Variants in PLXND1 observed in about 807,000 individuals in gnomAD.
The protein encoded by PLXND1 is plexin D1, also known as plexin-D1.
A neutral mutation model predicts 197.7 loss-of-function variants in PLXND1; 54 were observed. That is an observed-to-expected ratio of 0.27 (90% confidence interval 0.22 to 0.34). The LOEUF is 0.34. Among genes scored for constraint, PLXND1 ranks in the 10% least tolerant of loss-of-function variants. The pLI is 1.00. For synonymous variants in PLXND1, 1,180 were observed against 1,161.2 expected (o/e 1.02, Z -0.33); for missense variants, 2,127 against 2,699.2 (o/e 0.79, Z 4.70).
chr3:129,565,731 G>A (rs756051641), intron 24 of PLXND1, among the ~76,000 whole-genome samples, 156 bp downstream of exon 24: 20 of 152,240 alleles, frequency 1.3e-4, no homozygotes, highest in Non-Finnish European at 2.5e-4. Context: ...AGCAACCATC[G>A]TGCCCCGTGA....
chr3:129,564,446 G>A (rs1441188097), intron 25 of PLXND1, among the ~76,000 whole-genome samples: 1 of 152,216 alleles, frequency 6.6e-6, no homozygotes, highest in African/African-American at 2.4e-5. Flanking sequence ...AGGAGTTTGG[G>A]ACCAGCCTGT....
intron 34 of PLXND1, 37 bp from the exon 35 acceptor site, chr3:129,556,728 C>A (rs372047695): frequency 1.4e-6 from 2 of 1,481,206 alleles, no homozygotes; most frequent in Admixed American, 1.8e-5. Flanking sequence ...GTTAGCCCAG[C>A]GGTCAAAGCT....
chr3:129,585,264 G>A lies in PLXND1; in HGVS notation c.1851+688C>T, dbSNP rs549917139. 2.0e-5 allele frequency among the ~76,000 whole-genome samples: 3 copies of A among 152,320 alleles called. No individual in the cohort carries two copies. The East Asian group carries it at 5.8e-4, about 29-fold the overall frequency. ...TGCTGAGCAGCTACAGGCCAGAGCC[G>A]GGCTGTCAGAGCCCCCCAGGGTGAG... On this transcript the variant is annotated intron_variant, in intron 5 of 35. Coordinates refer to ENST00000324093, the MANE Select transcript of PLXND1 (RefSeq NM_015103.3).
At position 129,563,224 on chromosome 3, in the gene PLXND1, G is replaced by A; in HGVS notation, c.4538C>T (p.Pro1513Leu). 6.2e-7 allele frequency: 1 copy of A among 1,611,634 alleles called. No individual in the cohort carries two copies. Among genetic ancestry groups the A allele is most frequent in the Non-Finnish European group, 8.5e-7 (1 of 1,178,866 alleles). ...GATGGCACACAGCAGCAGGAAGAAT[G>A]GCTCCCCCACCGTCTCCTGAGGGGC... ...YSCLRETVGE[P>L]FFLLLCAIKQ... is the part of the protein sequence containing the mutation. Residue 1513 changes from proline to leucine, a missense_variant, in exon 26 of 36, where the codon CCA becomes CTA. This residue lies in a region of PLXND1 where 532 missense variants were observed against 811.0 expected (regional missense o/e 0.66). Transcript: ENST00000324093.
At chr3:129,589,310 T>TGGCCCCCCCCC in intron 2 of PLXND1, 41 bp downstream of exon 2, 1 of 501,286 alleles carries the variant, frequency 2.0e-6, no homozygotes, top group Non-Finnish European at 3.8e-6. Flanking sequence ...CAGGGGAGCC[T>TGGCCCCCCCCC]CCCACCCCCA....
At chr3:129,574,296 C>A in intron 12 of PLXND1, 40 bp downstream of exon 12, 1 of 1,540,590 alleles carries the variant, frequency 6.5e-7, no homozygotes, top group Non-Finnish European at 8.7e-7. Flanking sequence ...TGCGCCGTGC[C>A]GGAGTGCGGG....
chr3:129,589,307 G>GCGGGGGGGGGCCCC, intron 2 of PLXND1, 44 bp downstream of exon 2: 1 of 684,690 alleles, frequency 1.5e-6, no homozygotes. Context: ...TCCCAGGGGA[G>GCGGGGGGGGGCCCC]CCTCCCACCC....
At chr3:129,584,592 G>A in intron 5 of PLXND1, 30 bp from the exon 6 acceptor site, 1 of 1,576,508 alleles carries the variant, frequency 6.3e-7, no homozygotes, top group South Asian at 1.2e-5. Context: ...AGCTCTGGGG[G>A]TCCAGGCTAT....
At position 129,559,601 on chromosome 3, in the gene PLXND1, C is replaced by A. The variant is rs781331440; in HGVS notation, c.5297+19G>T. The A allele has an allele frequency of 2.6e-5, 40 of 1,564,414 alleles. No individual in the cohort carries two copies. Among genetic ancestry groups the A allele is most frequent in the Non-Finnish European group, 3.3e-5 (38 of 1,155,634 alleles). The stretch of plus-strand genomic sequence containing the variant: ...CCCCAGTGGCACAGTGAAGTCCACA[C>A]GGCCCCCCCACCCGCCACCTGTTGG... On this transcript the variant is annotated intron_variant, in intron 32 of 35. Transcript: ENST00000324093.
chr3:129,596,962 AG>A (rs1451399720), intron 1 of PLXND1, among the ~76,000 whole-genome samples: 1 of 152,222 alleles, frequency 6.6e-6, no homozygotes, highest in Non-Finnish European at 1.5e-5. Flanking sequence ...CCGAGCTCAG[AG>A]GCCCAGCCCC....
intron 27 of PLXND1, 110 bp downstream of exon 27, chr3:129,562,677 T>G (rs2085078768): frequency 6.0e-6 from 6 of 1,001,888 alleles, no homozygotes; most frequent in Non-Finnish European, 8.6e-6. Flanking sequence ...CCTCTCAGTG[T>G]CCCCACATTC....
At chr3:129,578,223 G>C in intron 9 of PLXND1, 106 bp downstream of exon 9, 3 of 743,844 alleles carry the variant, frequency 4.0e-6, no homozygotes, top group Admixed American at 2.1e-5. Flanking sequence ...AAGCACTGCA[G>C]TGGGCCCAGA....
rs1364953462 is a variant in PLXND1, at chr3:129,606,599, C to G, written c.41G>C (p.Arg14Pro). ...RAAGGAPLSA[R>P]AAAASPPPFQ... is the part of the protein sequence containing the mutation. ...CGGCGGGGGGCTGGCGGCGGCGGCC[C>G]GGGCGCTAAGGGGTGCGCCGCCCGC... The change falls in exon 1 of 36, where the codon CGG (arginine) becomes CCG (proline). Residue 14 changes from arginine to proline, a missense_variant. This residue lies in a region of PLXND1 where 245 missense variants were observed against 267.1 expected (regional missense o/e 0.92). Transcript: ENST00000324093. 1.7e-6 allele frequency: 2 copies of G among 1,207,768 alleles called. No homozygotes were observed. Among genetic ancestry groups the G allele is most frequent in the Non-Finnish European group, 2.1e-6 (2 of 973,338 alleles). The allele number at this position is 1,207,768 out of a possible 1,614,324, so 74.8% of individuals were successfully genotyped here. A position where few individuals can be genotyped will look rare whatever the true frequency, so the allele number is the denominator to read the frequency against.
chr3:129,578,284 G>A (rs756545347), intron 9 of PLXND1, 45 bp downstream of exon 9: 76 of 1,248,576 alleles, frequency 6.1e-5, no homozygotes, highest in Non-Finnish European at 7.3e-5. Context: ...CGTGCTCCCC[G>A]GCCTCCTCCT....
chr3:129,603,111 C>T (rs931376753), intron 1 of PLXND1, among the ~76,000 whole-genome samples: 1 of 152,228 alleles, frequency 6.6e-6, no homozygotes, highest in Non-Finnish European at 1.5e-5. Flanking sequence ...GGAGATACTG[C>T]CAAGTGGCAC....
intron 25 of PLXND1, among the ~76,000 whole-genome samples, chr3:129,564,290 A>C (rs1206456156): frequency 6.6e-6 from 1 of 152,248 alleles, no homozygotes; most frequent in Non-Finnish European, 1.5e-5. Flanking sequence ...ACCAAGGCCC[A>C]CAGAGGGCAA....
chr3:129,593,098 C>T (rs1288245947), intron 1 of PLXND1, among the ~76,000 whole-genome samples: 2 of 152,202 alleles, frequency 1.3e-5, no homozygotes, highest in Non-Finnish European at 2.9e-5. Flanking sequence ...CCCGCAGCGC[C>T]CTCCAAGTCA....
At chr3:129,562,764 T>C in intron 27 of PLXND1, 23 bp downstream of exon 27, 1 of 1,579,242 alleles carries the variant, frequency 6.3e-7, no homozygotes, top group Non-Finnish European at 8.7e-7. Context: ...TGACACGGGG[T>C]CTCTGCCCCC....
At chr3:129,556,517 A>G in intron 35 of PLXND1, 89 bp from the exon 36 acceptor site, 1 of 1,337,744 alleles carries the variant, frequency 7.5e-7, no homozygotes. Context: ...GTCTACCACG[A>G]GTGACATCCG....
Sources: gnomAD v4.1 joint callset for allele counts (sites outside exome capture counted in the v4.1 genomes callset) on GRCh38, gnomAD v4.1.1 for gene constraint, gnomAD v4.1.1 regional missense constraint, MANE v1.5 for transcripts, NCBI Gene and HGNC (gene_info 2026-07-23, HGNC 2026-07-21) for gene names.